Variants in GSAP observed in about 807,000 individuals in gnomAD.
GSAP encodes gamma-secretase-activating protein.
In GSAP, 118 loss-of-function variants were observed where a neutral mutation model predicts 131.7. That is an observed-to-expected ratio of 0.90 (90% CI 0.77 to 1.04). The LOEUF is 1.04. GSAP is among the 50% of genes least tolerant of loss of function. The pLI is 0.00. For synonymous variants in GSAP, 381 were observed against 363.4 expected (o/e 1.05, Z -0.55); for missense variants, 1,019 against 1,013.2 (o/e 1.01, Z -0.08).
At chr7:77,353,913 A>G (rs139639444) in intron 16 of GSAP, among the ~76,000 whole-genome samples, 134 of 152,308 alleles carry the variant, frequency 8.8e-4, no homozygotes, top group African/African-American at 3.2e-3. Context: ...ACGTTTGTGC[A>G]AGAATAGGTC....
intron 3 of GSAP, among the ~76,000 whole-genome samples, chr7:77,402,578 AGTG>A: frequency 8.0e-6 from 1 of 125,404 alleles, no homozygotes. Context: ...CTGGCAATAG[AGTG>A]AGACTCTGTC....
chr7:77,390,425 A>G (rs973987536), intron 5 of GSAP, among the ~76,000 whole-genome samples: 2 of 152,244 alleles, frequency 1.3e-5, no homozygotes, highest in East Asian at 1.9e-4. Flanking sequence ...TAGGTCTTAC[A>G]TTTAAGTCTT....
intron 1 of GSAP, chr7:77,415,571 T>G (rs976678832): frequency 6.6e-6 from 1 of 152,184 alleles, no homozygotes; most frequent in Non-Finnish European, 1.5e-5. Flanking sequence ...AGCCCCAGCC[T>G]GCACAGGTGC....
intron 6 of GSAP, among the ~76,000 whole-genome samples, chr7:77,386,287 T>A (rs935560292): frequency 1.3e-5 from 2 of 152,188 alleles, no homozygotes; most frequent in Non-Finnish European, 2.9e-5. Flanking sequence ...TAGGCAATAA[T>A]AACATACACA....
intron 3 of GSAP, among the ~76,000 whole-genome samples, chr7:77,404,148 T>G: frequency 6.6e-6 from 1 of 152,332 alleles, no homozygotes; most frequent in South Asian, 2.1e-4. Context: ...CCTGCCCAGG[T>G]ATTGTGCAAG....
chr7:77,367,086 G>T (rs1054400904), intron 12 of GSAP, among the ~76,000 whole-genome samples: 4 of 152,198 alleles, frequency 2.6e-5, no homozygotes, highest in African/African-American at 9.6e-5. Context: ...TATCCTGAAA[G>T]TTTGCTGAAG....
At chr7:77,415,236 A>G (rs924483826) in intron 1 of GSAP, among the ~76,000 whole-genome samples, 1 of 152,244 alleles carries the variant, frequency 6.6e-6, no homozygotes, top group Admixed American at 6.5e-5. Flanking sequence ...AACTTGATAT[A>G]TAACTCACAT....
intron 19 of GSAP, among the ~76,000 whole-genome samples, chr7:77,334,573 T>A (rs1584318774): frequency 4.9e-5 from 3 of 61,132 alleles, no homozygotes; most frequent in African/African-American, 1.3e-4. Context: ...TCCTGGAACT[T>A]AAAATTTAAA....
chr7:77,389,437 C>T lies in GSAP; in HGVS notation c.368-1989G>A, dbSNP rs183924501. On this transcript the variant is annotated intron_variant, in intron 5 of 30. Transcript: ENST00000257626. ...TATCTCCCAACGCTATCCCTCCCCC[C>T]CTCCCCACCCAACAGTCCCCGATGT... is the stretch of plus-strand genomic sequence containing the variant. Among the ~76,000 whole-genome samples the T allele has an allele frequency of 2.5e-3, 374 of 151,430 alleles. 3 individuals are homozygous for T. Among genetic ancestry groups the T allele is most frequent in the African/African-American group, 8.5e-3 (349 of 41,234 alleles).
chr7:77,416,263 C>T lies in GSAP; in HGVS notation c.59G>A (p.Arg20Gln). The T allele has an allele frequency of 2.0e-6, 3 of 1,495,518 alleles. No individual in the cohort carries two copies. The highest frequency in any genetic ancestry group is 1.3e-5 in the South Asian group (1 of 78,976). The allele number at this position is 1,495,518 out of a possible 1,614,324, so 92.6% of individuals were successfully genotyped here. The change falls in exon 1 of 31, where the codon CGG (arginine) becomes CAG (glutamine). Residue 20 changes from arginine (R) to glutamine (Q), a missense_variant. Coordinates refer to ENST00000257626, the MANE Select transcript of GSAP (RefSeq NM_017439.4). The part of the protein sequence containing the change: ...DLGKDVLPWL[R>Q]AQRAVSEASG... ...GGCCTCCGACACTGCCCGCTGCGCCCGCAACCACGGGAGCACGTCCTTCCC... is the reference window on the plus strand; with the variant it reads ...GGCCTCCGACACTGCCCGCTGCGCCTGCAACCACGGGAGCACGTCCTTCCC...
In GSAP at chr7:77,311,469, GGGCAGGGAAAAAGGGTTACCAT is replaced by G. The variant is rs769771788; in HGVS notation, c.2474-42_2474-21del. On this transcript the variant is annotated intron_variant, in intron 30 of 30. Coordinates refer to ENST00000257626, the MANE Select transcript of GSAP (RefSeq NM_017439.4). ...ACAGGGCTGGAAAAAAATGGGGAGAGGGCAGGGAAAAAGGGTTACCATGGGTCCGTGAAACATTTATAACTTT... is the reference window on the plus strand; with the variant it reads ...ACAGGGCTGGAAAAAAATGGGGAGAGGGGTCCGTGAAACATTTATAACTTT... The G allele has an allele frequency of 1.2e-5, 17 of 1,417,334 alleles. No homozygotes were observed. The highest frequency in any genetic ancestry group is 1.7e-5 in the Non-Finnish European group (17 of 1,002,940). The allele number at this position is 1,417,334 out of a possible 1,614,324, so 87.8% of individuals were successfully genotyped here.
At chr7:77,330,573 CTTTTTTT>C (rs750457611) in intron 19 of GSAP, 24 of 762,498 alleles carry the variant, frequency 3.1e-5, no homozygotes, top group South Asian at 1.0e-4. Flanking sequence ...TTTTCTGTCT[CTTTTTTT>C]TTTTTTTTTT....
intron 27 of GSAP, 54 bp from the exon 28 acceptor site, chr7:77,313,603 A>G: frequency 2.4e-6 from 2 of 844,756 alleles, no homozygotes; most frequent in South Asian, 1.5e-5. Context: ...TTGATACTTT[A>G]GCAAGTTAAT....
rs1200040086 is a variant in GSAP, at chr7:77,334,579, T to TAAAAAAAAAAAAAAAAAAAAA, written c.1546-4213_1546-4212insTTTTTTTTTTTTTTTTTTTTT. 5.4e-3 allele frequency among the ~76,000 whole-genome samples: 444 copies of TAAAAAAAAAAAAAAAAAAAAA among 82,320 alleles called. 58 individuals are homozygous for TAAAAAAAAAAAAAAAAAAAAA. The highest frequency in any genetic ancestry group is 8.1e-3 in the Non-Finnish European group (346 of 42,532). The allele number at this position is 82,320 out of a possible 152,430, so 54.0% of individuals were successfully genotyped here. A position where few individuals can be genotyped will look rare whatever the true frequency, so the allele number is the denominator to read the frequency against. ...GCCCATGTATCCTGGAACTTAAAAT[T>TAAAAAAAAAAAAAAAAAAAAA]TAAAAAAAAAAAAAAAAAAAAAAAA... On this transcript the variant is annotated intron_variant, in intron 19 of 30. Coordinates refer to ENST00000257626, the MANE Select transcript of GSAP (RefSeq NM_017439.4).
intron 1 of GSAP, among the ~76,000 whole-genome samples, chr7:77,408,664 G>T (rs1184777945): frequency 2.5e-5 from 3 of 119,990 alleles, no homozygotes; most frequent in Non-Finnish European, 4.7e-5. Flanking sequence ...TTGAGCCATT[G>T]CACTTCAGAC....
rs1794413218 is a variant in GSAP, at chr7:77,311,931, A to T, written c.2383T>A (p.Ser795Thr). 6.3e-7 allele frequency: 1 copy of T among 1,588,212 alleles called. No individual in the cohort carries two copies. The highest frequency in any genetic ancestry group is 8.6e-7 in the Non-Finnish European group (1 of 1,156,640). Residue 795 changes from serine (S) to threonine (T), a missense_variant, in exon 30 of 31, where the codon TCT (serine) becomes ACT (threonine). Ser to Thr is a moderately conservative substitution (Grantham distance 58). Coordinates refer to ENST00000257626, the MANE Select transcript of GSAP (RefSeq NM_017439.4). ...LQNYKKQPRN[S>T]MINKSSFSVE... ...CTGAACGATGACTTGTTAATCATAG[A>T]ATTCCGAGGCTAAAAGGGAAACCAC...
At chr7:77,413,461 A>T (rs533291948) in intron 1 of GSAP, among the ~76,000 whole-genome samples, 151 of 152,350 alleles carry the variant, frequency 9.9e-4, no homozygotes, top group African/African-American at 3.5e-3. Flanking sequence ...CTTTGAAAGG[A>T]AAATCTAAGG....
chr7:77,352,499 C>T (rs943545124), intron 18 of GSAP, among the ~76,000 whole-genome samples: 2 of 152,184 alleles, frequency 1.3e-5, no homozygotes, highest in Non-Finnish European at 2.9e-5. Flanking sequence ...AGATTGCTGA[C>T]TTTTACTGAT....
intron 3 of GSAP, among the ~76,000 whole-genome samples, chr7:77,402,802 G>A (rs542276163): frequency 6.6e-6 from 1 of 151,730 alleles, no homozygotes; most frequent in South Asian, 2.1e-4. Flanking sequence ...TGTTTACAAA[G>A]CTAGTTTAAA....
Sources: allele counts gnomAD v4.1 joint callset (sites outside exome capture counted in the v4.1 genomes callset), GRCh38; gene constraint gnomAD v4.1.1; transcripts MANE v1.5; gene names NCBI Gene and HGNC (gene_info 2026-07-23, HGNC 2026-07-21).